The following PAH variants were observed in gnomAD, a reference collection of about 807,000 sequenced individuals.
PAH encodes the protein phenylalanine hydroxylase, also known as phenylalanine-4-hydroxylase.
Under a neutral mutation model 62.0 loss-of-function variants are expected in PAH, and 64 were observed. The ratio of observed to expected loss-of-function variants is 1.03; its 90% CI spans 0.84 to 1.27. PAH has a LOEUF of 1.27. Ranked by LOEUF, PAH falls within the 50% of genes most tolerant of loss-of-function variation. PAH has a pLI of 0.00. For synonymous variants in PAH, 195 were observed against 196.2 expected (o/e 0.99, Z 0.05); for missense variants, 579 against 542.8 (o/e 1.07, Z -0.66).
rs183045972 is a variant in PAH, at chr12:102,877,759, T to G, written c.353-209A>C. Among the ~76,000 whole-genome samples the G allele has an allele frequency of 2.9e-3, 435 of 152,378 alleles. 5 individuals are homozygous for G. The South Asian group carries it at 0.045, about 16-fold the overall frequency. ...CCATTCCCAAATACATTCTCTTTCC[T>G]GGAGATGTTCTCTGAATTATCTCAA... On this transcript the variant is annotated intron_variant, in intron 3 of 12. Transcript: ENST00000553106.
intron 1 of PAH, among the ~76,000 whole-genome samples, chr12:102,936,476 G>T (rs1358867458): frequency 3.3e-5 from 5 of 152,064 alleles, no homozygotes; most frequent in Non-Finnish European, 7.4e-5. Context: ...CTGAAAGTGA[G>T]GTGTTGATGT....
chr12:102,878,661 G>T (rs1233297436), intron 3 of PAH, among the ~76,000 whole-genome samples: 1 of 151,022 alleles, frequency 6.6e-6, no homozygotes, highest in Admixed American at 6.6e-5. Flanking sequence ...GGGAAGAAAA[G>T]GAAAGAAAGG....
At chr12:102,891,235 C>T (rs772265703) in intron 3 of PAH, among the ~76,000 whole-genome samples, 15 of 152,174 alleles carry the variant, frequency 9.9e-5, no homozygotes, top group Non-Finnish European at 1.9e-4. Flanking sequence ...TTCCCCTTTG[C>T]CAGGCTGTGA....
In PAH at chr12:102,912,912, T is replaced by C; in HGVS notation, c.61-14A>G. The C allele has an allele frequency of 6.5e-7, 1 of 1,548,718 alleles. No individual in the cohort carries two copies. Among genetic ancestry groups the C allele is most frequent in the Non-Finnish European group, 8.9e-7 (1 of 1,120,384 alleles). On this transcript the variant is annotated splice_polypyrimidine_tract_variant and intron_variant, in intron 1 of 12. Coordinates refer to ENST00000553106, the MANE Select transcript of PAH (RefSeq NM_000277.3). ...ATAGCTTGTTTCCTACAGGATAAGA[T>C]GCATTTGTTTAAAACATTTTCCACA...
In PAH at chr12:102,847,120, A is replaced by G. The variant is rs904463358; in HGVS notation, c.913-169T>C. The stretch of plus-strand genomic sequence containing the variant: ...TCCTGCCCATATGTTATAGAATCAC[A>G]GATCTCCAGGGTAGGGGGATCCTTC... On this transcript the variant is annotated intron_variant, in intron 8 of 12. Coordinates refer to ENST00000553106, the MANE Select transcript of PAH (RefSeq NM_000277.3). 6.1e-6 allele frequency: 4 copies of G among 659,714 alleles called. No individual in the cohort carries two copies. The African/African-American group carries it at 7.1e-5, about 12-fold the overall frequency. 40.9% of individuals were successfully genotyped at this position (659,714 alleles called of 1,614,324 possible).
intron 4 of PAH, among the ~76,000 whole-genome samples, chr12:102,870,266 G>A (rs1380871199): frequency 6.6e-6 from 1 of 152,134 alleles, no homozygotes; most frequent in Non-Finnish European, 1.5e-5. Context: ...CCTCAGAAGT[G>A]CTCTCTTTAG....
At chr12:102,854,795 G>A (rs556315777) in intron 6 of PAH, 2 of 379,714 alleles carry the variant, frequency 5.3e-6, no homozygotes, top group African/African-American at 4.2e-5. Flanking sequence ...TCATAACACA[G>A]CAGGAACTAC....
chr12:102,926,249 A>G (rs529941344), intron 1 of PAH, among the ~76,000 whole-genome samples: 1 of 152,230 alleles, frequency 6.6e-6, no homozygotes, highest in Non-Finnish European at 1.5e-5. Context: ...TGCTGAGGGA[A>G]GATCTATTCA....
chr12:102,875,926 CAT>C (rs36134134), intron 4 of PAH, among the ~76,000 whole-genome samples: 9 of 126,876 alleles, frequency 7.1e-5, no homozygotes, highest in East Asian at 2.6e-4. Flanking sequence ...ATATATACAC[CAT>C]ATATATATAT....
intron 3 of PAH, among the ~76,000 whole-genome samples, chr12:102,891,420 C>T (rs893785369): frequency 6.6e-6 from 1 of 152,182 alleles, no homozygotes; most frequent in African/African-American, 2.4e-5. Context: ...TGCATGACCT[C>T]TCAGGTCATT....
At chr12:102,866,050 T>C (rs980933939) in intron 5 of PAH, among the ~76,000 whole-genome samples, 1 of 144,688 alleles carries the variant, frequency 6.9e-6, no homozygotes, top group Non-Finnish European at 1.5e-5. Flanking sequence ...TTGGCTAAAA[T>C]AGGGTAGGGG....
At chr12:102,948,114 A>C (rs1430561261) in intron 1 of PAH, among the ~76,000 whole-genome samples, 1 of 152,212 alleles carries the variant, frequency 6.6e-6, no homozygotes, top group East Asian at 1.9e-4. Context: ...ATGTTCAAAA[A>C]ATTTGTCAGA....
At chr12:102,890,771 A>G (rs1055838901) in intron 3 of PAH, among the ~76,000 whole-genome samples, 30 of 152,184 alleles carry the variant, frequency 2.0e-4, no homozygotes, top group Admixed American at 9.8e-4. Flanking sequence ...TTATTACATG[A>G]TGCCTCTATG....
At chr12:102,873,623 C>T (rs1876448888) in intron 4 of PAH, among the ~76,000 whole-genome samples, 1 of 152,190 alleles carries the variant, frequency 6.6e-6, no homozygotes, top group Admixed American at 6.5e-5. Flanking sequence ...AATGATAGCA[C>T]ATGCTATCTG....
At chr12:102,872,643 G>A (rs1876394491) in intron 4 of PAH, among the ~76,000 whole-genome samples, 1 of 152,208 alleles carries the variant, frequency 6.6e-6, no homozygotes, top group Non-Finnish European at 1.5e-5. Flanking sequence ...AGGAGAGCAG[G>A]AAAACTTGAT....
chr12:102,889,511 T>A (rs964800249), intron 3 of PAH, among the ~76,000 whole-genome samples: 2 of 150,658 alleles, frequency 1.3e-5, no homozygotes, highest in Non-Finnish European at 3.0e-5. Flanking sequence ...CAGGTGTAGA[T>A]GATAGATGAT....
intron 7 of PAH, chr12:102,851,991 C>T: frequency 1.9e-6 from 1 of 523,866 alleles, no homozygotes; most frequent in East Asian, 3.4e-5. Context: ...GCACAGCAGC[C>T]AAGGGTCTTA....
chr12:102,926,300 C>T (rs988780913), intron 1 of PAH, among the ~76,000 whole-genome samples: 1 of 151,906 alleles, frequency 6.6e-6, no homozygotes, highest in Non-Finnish European at 1.5e-5. Context: ...TATGGAAAGG[C>T]TCCAAATGCA....
intron 2 of PAH, among the ~76,000 whole-genome samples, chr12:102,910,955 C>A (rs1878179643): frequency 6.6e-6 from 1 of 152,160 alleles, no homozygotes; most frequent in Admixed American, 6.5e-5. Context: ...CTCCGCCAAC[C>A]CTGGGAGATC....
Sources: gnomAD v4.1 joint callset for allele counts (sites outside exome capture counted in the v4.1 genomes callset) on GRCh38, gnomAD v4.1.1 for gene constraint, MANE v1.5 for transcripts, NCBI Gene and HGNC (gene_info 2026-07-23, HGNC 2026-07-21) for gene names.